COL4A4: variants seen among roughly 807,000 people sequenced by gnomAD.
COL4A4 encodes collagen type IV alpha 4 chain.
A neutral mutation model predicts 192.9 loss-of-function variants in COL4A4; 105 were observed. The ratio of observed to expected loss-of-function variants is 0.54; its 90% CI spans 0.46 to 0.64. The LOEUF (loss-of-function observed/expected upper bound fraction) is 0.64. Ranked by LOEUF, COL4A4 falls within the 30% of genes least tolerant of loss-of-function variation. The pLI, the probability that COL4A4 is intolerant of heterozygous loss-of-function variation, is 0.00. For synonymous variants in COL4A4, 762 were observed against 769.9 expected (o/e 0.99, Z 0.17); for missense variants, 1,967 against 2,169.3 (o/e 0.91, Z 1.85).
intron 1 of COL4A4, among the ~76,000 whole-genome samples, chr2:227,153,941 T>C (rs919096519): frequency 4.6e-5 from 7 of 152,128 alleles, no homozygotes; most frequent in African/African-American, 1.2e-4. Flanking sequence ...TGCAGCCCAG[T>C]TGGACAGAAG....
chr2:226,980,480 G>A, the COL4A4 span, among the ~76,000 whole-genome samples: 1 of 152,100 alleles, frequency 6.6e-6, no homozygotes, highest in African/African-American at 2.4e-5. Flanking sequence ...TACCTTCTCT[G>A]AACTTCCATT....
At chr2:226,983,045 C>G in the COL4A4 span, among the ~76,000 whole-genome samples, 1 of 152,234 alleles carries the variant, frequency 6.6e-6, no homozygotes, top group Non-Finnish European at 1.5e-5. Context: ...CAGAAACCTA[C>G]TTGTACTAAA....
chr2:227,002,375 T>C (rs371497611), downstream of COL4A4, among the ~76,000 whole-genome samples: 1 of 152,210 alleles, frequency 6.6e-6, no homozygotes, highest in Non-Finnish European at 1.5e-5. Flanking sequence ...CTCCCAACAA[T>C]GCTGTGAAGC....
intron 35 of COL4A4, among the ~76,000 whole-genome samples, chr2:227,043,810 C>T (rs1440681726): frequency 5.3e-5 from 8 of 152,120 alleles, no homozygotes; most frequent in Admixed American, 1.3e-4. Flanking sequence ...AAAATAAGAA[C>T]GTTTTTCTAC....
At chr2:227,065,308 G>A (rs1291585932) in intron 25 of COL4A4, among the ~76,000 whole-genome samples, 2 of 152,208 alleles carry the variant, frequency 1.3e-5, no homozygotes, top group Non-Finnish European at 2.9e-5. Context: ...GGGGAGGGGC[G>A]CCCGCCATTG....
chr2:227,021,246 G>A (rs898414121), intron 44 of COL4A4, among the ~76,000 whole-genome samples: 2 of 152,080 alleles, frequency 1.3e-5, no homozygotes, highest in Admixed American at 6.6e-5. Flanking sequence ...CTGCCACCCC[G>A]GCAGTTACTG....
the COL4A4 span, among the ~76,000 whole-genome samples, chr2:226,981,891 G>A: frequency 2.6e-5 from 4 of 152,290 alleles, no homozygotes; most frequent in East Asian, 1.9e-4. Flanking sequence ...TCACTGCCAC[G>A]TATCTCATGG....
the COL4A4 span, chr2:226,988,230 C>A: frequency 9.6e-7 from 1 of 1,046,480 alleles, no homozygotes; most frequent in Non-Finnish European, 1.3e-6. Context: ...GATCAAGAAG[C>A]AAGAGGTTGG....
intron 8 of COL4A4, among the ~76,000 whole-genome samples, chr2:227,112,619 T>G (rs2061279480): frequency 6.6e-6 from 1 of 152,172 alleles, no homozygotes; most frequent in African/African-American, 2.4e-5. Flanking sequence ...GCCACTTAAG[T>G]GGCATTAAGT....
chr2:226,976,139 G>A, the COL4A4 span, among the ~76,000 whole-genome samples: 1 of 151,264 alleles, frequency 6.6e-6, no homozygotes, highest in Non-Finnish European at 1.5e-5. Flanking sequence ...AGGTGTGAGA[G>A]CACAGCCTGC....
intron 45 of COL4A4, 139 bp downstream of exon 45, chr2:227,012,042 C>T (rs530748073): frequency 1.4e-6 from 1 of 732,684 alleles, no homozygotes; most frequent in Admixed American, 2.0e-5. Flanking sequence ...GTTTCTGTCT[C>T]TGATACCTGG....
intron 1 of COL4A4, among the ~76,000 whole-genome samples, chr2:227,148,836 C>T (rs1228738561): frequency 6.7e-6 from 1 of 149,576 alleles, no homozygotes; most frequent in Non-Finnish European, 1.5e-5. Flanking sequence ...TTCAATGTTA[C>T]CAACTTTTTT....
At chr2:227,043,871 A>G (rs1281697773) in intron 35 of COL4A4, among the ~76,000 whole-genome samples, 1 of 152,172 alleles carries the variant, frequency 6.6e-6, no homozygotes, top group Non-Finnish European at 1.5e-5. Flanking sequence ...AATTCTTAAT[A>G]CCCTCAAACA....
chr2:227,081,493 C>T (rs898183488), intron 23 of COL4A4, among the ~76,000 whole-genome samples: 12 of 152,104 alleles, frequency 7.9e-5, no homozygotes, highest in African/African-American at 2.7e-4. Context: ...TGTTGGCTTC[C>T]CTACTTTTGA....
downstream of COL4A4, among the ~76,000 whole-genome samples, chr2:227,002,446 T>C (rs1961225107): frequency 6.6e-6 from 1 of 152,248 alleles, no homozygotes; most frequent in Non-Finnish European, 1.5e-5. Context: ...GTAAGCCCCA[T>C]GCCCACTGAC....
At chr2:227,091,810 C>A (rs1037533668) in intron 20 of COL4A4, among the ~76,000 whole-genome samples, 24 of 151,798 alleles carry the variant, frequency 1.6e-4, no homozygotes, top group African/African-American at 5.6e-4. Context: ...GTAGAAGAAT[C>A]GCTTGAACCA....
chr2:227,088,943 T>C (rs1340693187), intron 21 of COL4A4, 127 bp from the exon 22 acceptor site: 31 of 1,127,730 alleles, frequency 2.7e-5, no homozygotes, highest in Non-Finnish European at 3.9e-5. Context: ...TTGCAGACAA[T>C]TGAGAGCACG....
intron 47 of COL4A4, 33 bp from the exon 48 acceptor site, chr2:227,007,621 G>C (rs1962447628): frequency 1.9e-6 from 3 of 1,611,950 alleles, no homozygotes; most frequent in Non-Finnish European, 2.5e-6. Flanking sequence ...TTAGGGCTCA[G>C]ACACACACAG....
chr2:227,162,488 G>A (rs757731462), intron 1 of COL4A4, among the ~76,000 whole-genome samples: 4 of 152,074 alleles, frequency 2.6e-5, no homozygotes, highest in Non-Finnish European at 2.9e-5. Context: ...AACACCTACC[G>A]TTTCATTCCA....
Sources: allele counts gnomAD v4.1 joint callset (sites outside exome capture counted in the v4.1 genomes callset), GRCh38; gene constraint gnomAD v4.1.1; transcripts MANE v1.5; gene names NCBI Gene and HGNC (gene_info 2026-07-23, HGNC 2026-07-21).